The following SLC35F3 variants were observed in gnomAD, a reference collection of about 807,000 sequenced individuals.
The protein encoded by SLC35F3 is putative thiamine transporter SLC35F3.
In SLC35F3, 25 loss-of-function variants were observed where a neutral mutation model predicts 49.9. The observed-to-expected ratio is 0.50, with a 90% CI of 0.37 to 0.70. The LOEUF (loss-of-function observed/expected upper bound fraction) is 0.70. Among genes scored for constraint, SLC35F3 ranks in the 30% least tolerant of loss-of-function variants. The pLI is 0.00. For synonymous variants in SLC35F3, 275 were observed against 265.4 expected (o/e 1.04, Z -0.35); for missense variants, 525 against 639.8 (o/e 0.82, Z 1.94).
At chr1:234,080,595 G>A (rs1664860809) in intron 2 of SLC35F3, among the ~76,000 whole-genome samples, 1 of 152,166 alleles carries the variant, frequency 6.6e-6, no homozygotes, top group African/African-American at 2.4e-5. Flanking sequence ...GGAATGAAGT[G>A]CTGATGAATG....
intron 3 of SLC35F3, among the ~76,000 whole-genome samples, chr1:234,244,618 C>T (rs116960263): frequency 6.9e-6 from 1 of 144,158 alleles, no homozygotes; most frequent in East Asian, 2.0e-4. Context: ...TTGATTATCA[C>T]TTTTTTTTTT....
At chr1:233,966,216 G>C (rs551259374) in intron 2 of SLC35F3, among the ~76,000 whole-genome samples, 3 of 152,300 alleles carry the variant, frequency 2.0e-5, no homozygotes, top group East Asian at 3.9e-4. Flanking sequence ...GAAAAGACTA[G>C]TGGTAAAGAA....
At chr1:233,963,757 A>G (rs1386994083) in intron 2 of SLC35F3, among the ~76,000 whole-genome samples, 2 of 152,204 alleles carry the variant, frequency 1.3e-5, no homozygotes, top group African/African-American at 2.4e-5. Context: ...TTCATCTTAC[A>G]CTGCTGACTA....
intron 2 of SLC35F3, among the ~76,000 whole-genome samples, chr1:234,191,328 T>C (rs1666727113): frequency 6.6e-6 from 1 of 152,138 alleles, no homozygotes; most frequent in Admixed American, 6.6e-5. Flanking sequence ...GAAAATTAAA[T>C]AACCTGCTCC....
At chr1:234,029,618 C>A (rs760996125) in intron 2 of SLC35F3, among the ~76,000 whole-genome samples, 1 of 152,170 alleles carries the variant, frequency 6.6e-6, no homozygotes, top group African/African-American at 2.4e-5. Context: ...GCAATTGAGA[C>A]CAATCTGAAA....
At chr1:234,071,454 C>T (rs937755056) in intron 2 of SLC35F3, among the ~76,000 whole-genome samples, 3 of 152,146 alleles carry the variant, frequency 2.0e-5, no homozygotes, top group Admixed American at 1.3e-4. Context: ...GGCAGAGAGC[C>T]TGTAAGTTAA....
intron 2 of SLC35F3, among the ~76,000 whole-genome samples, chr1:234,089,523 G>C (rs904108292): frequency 6.6e-6 from 1 of 152,226 alleles, no homozygotes; most frequent in Non-Finnish European, 1.5e-5. Flanking sequence ...CAGTGTTCAG[G>C]CAGGCAGAGG....
chr1:234,308,097 A>G (rs1027706896), intron 3 of SLC35F3, among the ~76,000 whole-genome samples: 2 of 151,956 alleles, frequency 1.3e-5, no homozygotes, highest in African/African-American at 2.4e-5. Flanking sequence ...CCCGCGTTAG[A>G]CTCTGAACTT....
chr1:234,277,785 T>A (rs1668235680), intron 3 of SLC35F3, among the ~76,000 whole-genome samples: 1 of 152,230 alleles, frequency 6.6e-6, no homozygotes, highest in South Asian at 2.1e-4. Flanking sequence ...ACAAGACTGA[T>A]GGTTTTATAT....
chr1:234,069,254 T>A (rs1467870256), intron 2 of SLC35F3, among the ~76,000 whole-genome samples: 2 of 114,564 alleles, frequency 1.7e-5, no homozygotes, highest in South Asian at 2.7e-4. Context: ...AATATATATA[T>A]AAAATACATT....
intron 4 of SLC35F3, among the ~76,000 whole-genome samples, chr1:234,313,222 C>T (rs940873519): frequency 6.6e-6 from 1 of 152,130 alleles, no homozygotes; most frequent in African/African-American, 2.4e-5. Flanking sequence ...CTAGTCTCAA[C>T]AGTGATTAGA....
chr1:234,267,753 G>C (rs1461386941), intron 3 of SLC35F3, among the ~76,000 whole-genome samples: 1 of 150,918 alleles, frequency 6.6e-6, no homozygotes, highest in African/African-American at 2.5e-5. Flanking sequence ...GCGGTTGCCA[G>C]GCAGAGGGTT....
intron 2 of SLC35F3, among the ~76,000 whole-genome samples, chr1:234,031,862 CA>C (rs1449255903): frequency 5.3e-5 from 8 of 152,144 alleles, no homozygotes; most frequent in Admixed American, 5.2e-4. Flanking sequence ...TTATCTTTAC[CA>C]ACACTGTCTA....
chr1:234,260,148 C>G (rs1231190781), intron 3 of SLC35F3, among the ~76,000 whole-genome samples: 2 of 152,110 alleles, frequency 1.3e-5, no homozygotes, highest in African/African-American at 2.4e-5. Flanking sequence ...ATTCTCTTTT[C>G]TGTACATCAC....
intron 3 of SLC35F3, among the ~76,000 whole-genome samples, chr1:234,249,123 A>G (rs1667696674): frequency 6.6e-6 from 1 of 152,148 alleles, no homozygotes; most frequent in African/African-American, 2.4e-5. Flanking sequence ...GGAAAACACA[A>G]TATCCTCCTG....
intron 2 of SLC35F3, among the ~76,000 whole-genome samples, chr1:233,956,339 G>A (rs1204596903): frequency 6.6e-6 from 1 of 151,610 alleles, no homozygotes; most frequent in African/African-American, 2.4e-5. Context: ...ACACACACAT[G>A]CAACTAACCA....
At chr1:234,141,699 T>C (rs1563693) in intron 2 of SLC35F3, among the ~76,000 whole-genome samples, 53,732 of 152,106 alleles carry the variant, frequency 0.35, 14,570 homozygotes, top group East Asian at 0.74. Context: ...GAGAACTCGC[T>C]TCAGCTCACA....
chr1:234,015,839 A>G (rs1663795045), intron 2 of SLC35F3, among the ~76,000 whole-genome samples: 1 of 152,248 alleles, frequency 6.6e-6, no homozygotes, highest in East Asian at 1.9e-4. Context: ...CTGCACCGCA[A>G]AGGAAACAAT....
At chr1:234,280,173 C>T (rs1668300249) in intron 3 of SLC35F3, among the ~76,000 whole-genome samples, 1 of 152,208 alleles carries the variant, frequency 6.6e-6, no homozygotes, top group Non-Finnish European at 1.5e-5. Flanking sequence ...TCCTCATTGG[C>T]TTCAATCCAT....
Sources: gnomAD v4.1 joint callset for allele counts (sites outside exome capture counted in the v4.1 genomes callset) on GRCh38, gnomAD v4.1.1 for gene constraint, MANE v1.5 for transcripts, NCBI Gene and HGNC (gene_info 2026-07-23, HGNC 2026-07-21) for gene names.